Variants in AP3S1 observed in about 807,000 individuals in gnomAD.
AP3S1 encodes the protein adaptor related protein complex 3 subunit sigma 1, also known as AP-3 complex subunit sigma-1.
In AP3S1, 12 loss-of-function variants were observed where a neutral mutation model predicts 21.3. That is an observed-to-expected ratio of 0.56 (90% CI 0.36 to 0.91). The LOEUF (loss-of-function observed/expected upper bound fraction) is 0.91, where lower values mean the gene tolerates loss of function less well. Among genes scored for constraint, AP3S1 ranks in the 40% least tolerant of loss-of-function variants. The pLI is 0.01. For synonymous variants in AP3S1, 48 were observed against 78.4 expected (o/e 0.61, Z 2.05); for missense variants, 116 against 225.0 (o/e 0.52, Z 3.10).
intron 1 of AP3S1, 47 bp downstream of exon 1, chr5:115,842,153 G>A (rs1445195087): frequency 6.6e-7 from 1 of 1,522,816 alleles, no homozygotes; most frequent in Non-Finnish European, 8.8e-7. Context: ...AGTCGTTGGC[G>A]ACGGGCAGCG....
chr5:115,882,740 C>A (rs999607334), intron 3 of AP3S1, among the ~76,000 whole-genome samples: 1 of 152,228 alleles, frequency 6.6e-6, no homozygotes, highest in East Asian at 1.9e-4. Context: ...GCTGGGAGAT[C>A]TGCTGCTCTA....
At chr5:115,910,346 A>G (rs1361838833) in intron 5 of AP3S1, among the ~76,000 whole-genome samples, 2 of 151,914 alleles carry the variant, frequency 1.3e-5, no homozygotes, top group Non-Finnish European at 2.9e-5. Context: ...TTATTTTCAG[A>G]CCACAGTTAA....
chr5:115,853,222 C>A (rs1041056958), intron 1 of AP3S1, among the ~76,000 whole-genome samples: 1 of 152,176 alleles, frequency 6.6e-6, no homozygotes, highest in Non-Finnish European at 1.5e-5. Context: ...TTCCTGATGA[C>A]AGATGATGTT....
At chr5:115,863,125 C>T (rs1159882358) in intron 1 of AP3S1, among the ~76,000 whole-genome samples, 8 of 151,974 alleles carry the variant, frequency 5.3e-5, no homozygotes, top group African/African-American at 9.7e-5. Context: ...TATGGCTGGG[C>T]GTGGTGGCTC....
At chr5:115,869,508 C>G (rs977007213) in intron 2 of AP3S1, among the ~76,000 whole-genome samples, 2 of 152,090 alleles carry the variant, frequency 1.3e-5, no homozygotes, top group African/African-American at 4.8e-5. Context: ...AACATACATA[C>G]TTTGTTCTTG....
At chr5:115,888,670 G>A (rs1554068625) in intron 3 of AP3S1, among the ~76,000 whole-genome samples, 1 of 151,930 alleles carries the variant, frequency 6.6e-6, no homozygotes, top group Non-Finnish European at 1.5e-5. Flanking sequence ...AATGTGGACA[G>A]CATTTTTTTC....
intron 5 of AP3S1, among the ~76,000 whole-genome samples, chr5:115,910,202 C>T (rs1751985270): frequency 6.7e-6 from 1 of 149,360 alleles, no homozygotes; most frequent in Non-Finnish European, 1.5e-5. Flanking sequence ...GAGTTCAAGG[C>T]TGCAGTGAGC....
intron 3 of AP3S1, among the ~76,000 whole-genome samples, chr5:115,877,610 T>TAAACCAAC (rs1748849571): frequency 6.6e-6 from 1 of 152,216 alleles, no homozygotes; most frequent in Non-Finnish European, 1.5e-5. Context: ...CTGATGGGCA[T>TAAACCAAC]TTGGGTTGGT....
chr5:115,889,433 G>A (rs1049421860), intron 3 of AP3S1, among the ~76,000 whole-genome samples: 3 of 152,172 alleles, frequency 2.0e-5, no homozygotes, highest in African/African-American at 7.2e-5. Context: ...AACATGAAGA[G>A]TAAAATAATA....
At chr5:115,881,593 C>G (rs1749296338) in intron 3 of AP3S1, among the ~76,000 whole-genome samples, 1 of 152,180 alleles carries the variant, frequency 6.6e-6, no homozygotes, top group South Asian at 2.1e-4. Context: ...ATGGGCTTCC[C>G]TTTGTGGGTA....
At chr5:115,884,500 G>A (rs1252115622) in intron 3 of AP3S1, among the ~76,000 whole-genome samples, 1 of 152,196 alleles carries the variant, frequency 6.6e-6, no homozygotes, top group Non-Finnish European at 1.5e-5. Flanking sequence ...CAGGCGGGGA[G>A]GGGAGTGGAG....
At chr5:115,863,177 A>G (rs1191376949) in intron 1 of AP3S1, among the ~76,000 whole-genome samples, 1 of 152,086 alleles carries the variant, frequency 6.6e-6, no homozygotes, top group African/African-American at 2.4e-5. Context: ...AGGCGGGTGG[A>G]TCACCTCGGT....
At chr5:115,876,973 C>T (rs1748776074) in intron 3 of AP3S1, among the ~76,000 whole-genome samples, 1 of 152,078 alleles carries the variant, frequency 6.6e-6, no homozygotes, top group African/African-American at 2.4e-5. Context: ...GTTTCATTTT[C>T]CCATGGTGCT....
chr5:115,910,962 G>T (rs1371391372), intron 5 of AP3S1, among the ~76,000 whole-genome samples: 2 of 152,042 alleles, frequency 1.3e-5, no homozygotes, highest in Non-Finnish European at 2.9e-5. Flanking sequence ...GTTCTGAATA[G>T]TTCCTATCTT....
chr5:115,873,832 G>C (rs556044540), intron 3 of AP3S1, among the ~76,000 whole-genome samples: 10 of 152,176 alleles, frequency 6.6e-5, no homozygotes, highest in Middle Eastern at 3.4e-3. Context: ...AAACCTCTTG[G>C]TCTTGCATAT....
intron 4 of AP3S1, among the ~76,000 whole-genome samples, chr5:115,895,504 T>C (rs115956225): frequency 0.054 from 8,174 of 152,232 alleles, 303 homozygotes; most frequent in Non-Finnish European, 0.076. Context: ...AGATATATCA[T>C]ACATAGAAAA....
At chr5:115,905,082 A>G (rs1298260647) in intron 5 of AP3S1, among the ~76,000 whole-genome samples, 4 of 152,152 alleles carry the variant, frequency 2.6e-5, no homozygotes, top group Non-Finnish European at 4.4e-5. Flanking sequence ...TTTATATCCT[A>G]CTGCTCAAGG....
Position 115,885,235 on chromosome 5 carries a change from A to C in AP3S1, c.274-9852A>C, listed in dbSNP as rs938964329. On this transcript the variant is annotated intron_variant, in intron 3 of 5. Coordinates refer to ENST00000316788, the MANE Select transcript of AP3S1 (RefSeq NM_001284.4). ...ATATATGAAGGGGAGTTAGTTTATTAGGGAGAATTGGCTCACACAATCACA... is the reference window on the plus strand; with the variant it reads ...ATATATGAAGGGGAGTTAGTTTATTCGGGAGAATTGGCTCACACAATCACA... Among the ~76,000 whole-genome samples the C allele has an allele frequency of 2.0e-5, 3 of 152,194 alleles. No homozygotes were observed. The East Asian group carries it at 5.8e-4, about 29-fold the overall frequency.
intron 3 of AP3S1, among the ~76,000 whole-genome samples, chr5:115,881,491 G>T (rs1300752394): frequency 2.0e-5 from 3 of 152,132 alleles, no homozygotes; most frequent in Non-Finnish European, 2.9e-5. Context: ...ATGCTGGGTT[G>T]AAAATTCTTT....
Sources: gnomAD v4.1 joint callset for allele counts (sites outside exome capture counted in the v4.1 genomes callset) on GRCh38, gnomAD v4.1.1 for gene constraint, MANE v1.5 for transcripts, NCBI Gene and HGNC (gene_info 2026-07-23, HGNC 2026-07-21) for gene names.